The following DHX9 variants were observed in gnomAD, a reference collection of about 807,000 sequenced individuals.
The protein encoded by DHX9 is DExH-box helicase 9.
A neutral mutation model predicts 148.7 loss-of-function variants in DHX9; 27 were observed. The ratio of observed to expected loss-of-function variants is 0.18; its 90% CI spans 0.13 to 0.25. The LOEUF (loss-of-function observed/expected upper bound fraction) is 0.25. DHX9 is among the 10% of genes least tolerant of loss of function. DHX9 has a pLI of 1.00. For missense variants in DHX9, 796 were observed against 1,559.6 expected, an observed-to-expected ratio of 0.51 and a Z score of 8.25; for synonymous variants, 529 against 516.6, an observed-to-expected ratio of 1.02 and a Z score of -0.33.
chr1:182,866,596 T>C lies in DHX9; in HGVS notation c.1474+11T>C. The C allele has an allele frequency of 6.2e-7, 1 of 1,604,828 alleles. No individual in the cohort carries two copies. The highest frequency in any genetic ancestry group is 8.5e-7 in the Non-Finnish European group (1 of 1,173,868). On this transcript the variant is annotated intron_variant, in intron 13 of 27. Coordinates refer to ENST00000367549, the MANE Select transcript of DHX9 (RefSeq NM_001357.5). ...TGTTTTGTACTGTAGGTCAGTAATGTATTTTGATTTTTCATTTGGGGTTTA... is the reference window on the plus strand; with the variant it reads ...TGTTTTGTACTGTAGGTCAGTAATGCATTTTGATTTTTCATTTGGGGTTTA...
At position 182,841,043 on chromosome 1, in the gene DHX9, G is replaced by A. The variant is rs768862088; in HGVS notation, c.-22-1502G>A. ...CGCGGTGGCTGACGCCTGTAATCCA[G>A]CACTTCGGGAGGTTGAGGCGGGCCG... On this transcript the variant is annotated intron_variant, in intron 1 of 27. Coordinates refer to ENST00000367549, the MANE Select transcript of DHX9 (RefSeq NM_001357.5). Among the ~76,000 whole-genome samples the A allele has an allele frequency of 4.6e-5, 7 of 152,158 alleles. No individual in the cohort carries two copies. The East Asian group carries it at 5.8e-4, about 13-fold the overall frequency.
intron 26 of DHX9, among the ~76,000 whole-genome samples, chr1:182,884,204 T>G (rs894006243): frequency 1.3e-5 from 2 of 152,046 alleles, no homozygotes; most frequent in East Asian, 1.9e-4. Context: ...AACCTGGGAG[T>G]TGGAGGTTGC....
rs182411930 is a variant in DHX9, at chr1:182,870,241, A to T, written c.1558-2096A>T. On this transcript the variant is annotated intron_variant, in intron 14 of 27. Coordinates refer to ENST00000367549, the MANE Select transcript of DHX9 (RefSeq NM_001357.5). ...TTTAATAGCATATCAATTATTTTCAAGTTGGTCCACATTTTGAATGCAATT... is the reference window on the plus strand; with the variant it reads ...TTTAATAGCATATCAATTATTTTCATGTTGGTCCACATTTTGAATGCAATT... Among the ~76,000 whole-genome samples, 33 of 152,372 alleles carry T rather than the reference A, an allele frequency of 2.2e-4. No individual in the cohort carries two copies. In the East Asian group the frequency reaches 4.6e-3, roughly 21 times the overall value.
intron 13 of DHX9, 89 bp downstream of exon 13, chr1:182,866,674 T>G (rs1045488664): frequency 2.2e-5 from 31 of 1,433,052 alleles, no homozygotes; most frequent in South Asian, 2.7e-5. Context: ...TGGAAAGAAA[T>G]AATGAGCCAG....
chr1:182,873,576 C>T (rs1437795694), intron 15 of DHX9, among the ~76,000 whole-genome samples: 1 of 152,096 alleles, frequency 6.6e-6, no homozygotes, highest in African/African-American at 2.4e-5. Context: ...TAGAACAAAC[C>T]GTATGTTACT....
chr1:182,848,239 T>G (rs1668067869), intron 3 of DHX9, among the ~76,000 whole-genome samples: 1 of 152,240 alleles, frequency 6.6e-6, no homozygotes, highest in Admixed American at 6.5e-5. Context: ...TTTAACTCAG[T>G]GTTTCTCAAC....
At chr1:182,866,634 G>A (rs774452983) in intron 13 of DHX9, 49 bp downstream of exon 13, 5 of 1,565,800 alleles carry the variant, frequency 3.2e-6, no homozygotes, top group Non-Finnish European at 4.4e-6. Context: ...TTGTGGTTGT[G>A]AAGAAAACTT....
chr1:182,852,160 A>T, intron 3 of DHX9, 73 bp from the exon 4 acceptor site: 1 of 884,334 alleles, frequency 1.1e-6, no homozygotes, highest in Non-Finnish European at 1.8e-6. Context: ...GGGTCCTTTT[A>T]AGTATTAAAA....
intron 6 of DHX9, 43 bp downstream of exon 6, chr1:182,854,221 G>T: frequency 6.5e-7 from 1 of 1,532,160 alleles, no homozygotes; most frequent in African/African-American, 1.4e-5. Context: ...AAGTTAAGGT[G>T]GTTTTGGATA....
chr1:182,866,352 G>T, intron 12 of DHX9, 92 bp from the exon 13 acceptor site: 1 of 1,319,544 alleles, frequency 7.6e-7, no homozygotes, highest in South Asian at 1.4e-5. Flanking sequence ...ACTAGCAGTA[G>T]GACAGATTTA....
chr1:182,843,077 GA>G (rs202114269), intron 2 of DHX9, among the ~76,000 whole-genome samples: 12 of 151,088 alleles, frequency 7.9e-5, no homozygotes, highest in South Asian at 2.1e-4. Flanking sequence ...TGTTATATGA[GA>G]AAAAAAAATC....
intron 12 of DHX9, among the ~76,000 whole-genome samples, chr1:182,865,326 CATTTT>C (rs1429365157): frequency 1.3e-5 from 2 of 152,162 alleles, no homozygotes; most frequent in Admixed American, 6.5e-5. Context: ...GTCTGTATCT[CATTTT>C]ATTCTCACTA....
chr1:182,865,084 AAAG>A (rs1648230548), intron 12 of DHX9, among the ~76,000 whole-genome samples: 1 of 152,014 alleles, frequency 6.6e-6, no homozygotes, highest in Non-Finnish European at 1.5e-5. Flanking sequence ...GAAAAGAAAA[AAAG>A]AAAAACTATA....
At chr1:182,874,438 G>A (rs1453465779) in intron 15 of DHX9, among the ~76,000 whole-genome samples, 1 of 152,206 alleles carries the variant, frequency 6.6e-6, no homozygotes, top group Non-Finnish European at 1.5e-5. Flanking sequence ...AGATCTTCCA[G>A]TCCTTGCATT....
intron 1 of DHX9, among the ~76,000 whole-genome samples, chr1:182,841,651 C>T (rs1667932330): frequency 6.6e-6 from 1 of 152,206 alleles, no homozygotes; most frequent in Admixed American, 6.5e-5. Context: ...AAACGTGAAA[C>T]GTGAAGCAGA....
At chr1:182,869,843 C>A (rs1648484773) in intron 14 of DHX9, among the ~76,000 whole-genome samples, 1 of 152,210 alleles carries the variant, frequency 6.6e-6, no homozygotes, top group Admixed American at 6.5e-5. Context: ...AGGTGATCTG[C>A]CTGCCTCAGC....
chr1:182,840,474 A>G (rs1257888324), intron 1 of DHX9, among the ~76,000 whole-genome samples: 1 of 151,724 alleles, frequency 6.6e-6, no homozygotes, highest in Admixed American at 6.6e-5. Context: ...TAATTTTTGT[A>G]TTTTTAGTAG....
intron 1 of DHX9, 125 bp downstream of exon 1, chr1:182,839,581 A>G (rs1258723624): frequency 6.6e-6 from 1 of 152,102 alleles, no homozygotes; most frequent in South Asian, 2.0e-4. Flanking sequence ...GGGTGGGGGA[A>G]GGGACGAGCC....
intron 1 of DHX9, 157 bp downstream of exon 1, chr1:182,839,613 G>C (rs1571289844): frequency 6.6e-6 from 1 of 152,188 alleles, no homozygotes; most frequent in Admixed American, 6.5e-5. Context: ...CCCGGATTGC[G>C]GGTTGCGTGC....
Sources: allele counts gnomAD v4.1 joint callset (sites outside exome capture counted in the v4.1 genomes callset), GRCh38; gene constraint gnomAD v4.1.1; transcripts MANE v1.5; gene names NCBI Gene and HGNC (gene_info 2026-07-23, HGNC 2026-07-21).